Variants in KRT26 observed in about 807,000 individuals in gnomAD.
The protein encoded by KRT26 is keratin, type I cytoskeletal 26.
In KRT26, 45 loss-of-function variants were observed where a neutral mutation model predicts 46.1. The ratio of observed to expected loss-of-function variants is 0.98; its 90% CI spans 0.77 to 1.25. The LOEUF (loss-of-function observed/expected upper bound fraction) is 1.25. Ranked by LOEUF, KRT26 falls within the 50% of genes most tolerant of loss-of-function variation. KRT26 has a pLI of 0.00. For synonymous variants in KRT26, 191 were observed against 209.9 expected (o/e 0.91, Z 0.78); for missense variants, 582 against 560.1 (o/e 1.04, Z -0.39).
At chr17:40,766,492 C>T in exon 8 of KRT26, 1 of 1,519,740 alleles carries the variant, frequency 6.6e-7, no homozygotes, top group Non-Finnish European at 8.9e-7. Context: ...TTCTTTCTTT[C>T]TTTCCAAATA....
intron 7 of KRT26, 84 bp from the exon 8 acceptor site, chr17:40,766,750 G>GT: frequency 5.0e-6 from 5 of 1,008,432 alleles, no homozygotes; most frequent in African/African-American, 3.2e-5. Context: ...TTGTTTGTTT[G>GT]TTTTTTTGAG....
chr17:40,771,251 T>C lies in KRT26; in HGVS notation c.442-15A>G, dbSNP rs772529683. On this transcript the variant is annotated splice_polypyrimidine_tract_variant and intron_variant, in intron 1 of 7. Coordinates refer to ENST00000335552, the Ensembl canonical transcript of KRT26. ...GCAGAAATAATCTAAATAGGGAAGATTGTGAAAAATGTTAATTACCAAAAG... is the reference window on the plus strand; with the variant it reads ...GCAGAAATAATCTAAATAGGGAAGACTGTGAAAAATGTTAATTACCAAAAG... 8 of 1,475,386 alleles carry C rather than the reference T, an allele frequency of 5.4e-6. No homozygotes were observed. Among genetic ancestry groups the C allele is most frequent in the Admixed American group, 3.5e-5 (2 of 57,662 alleles). The allele number at this position is 1,475,386 out of a possible 1,614,324, so 91.4% of individuals were successfully genotyped here. A position where few individuals can be genotyped will look rare whatever the true frequency, so the allele number is the denominator to read the frequency against.
chr17:40,766,240 G>A (rs1318628792), exon 8 of KRT26: 3 of 256,678 alleles, frequency 1.2e-5, no homozygotes, highest in Admixed American at 5.2e-5. Flanking sequence ...AAAATAACTT[G>A]CAATAGAAGA....
At chr17:40,771,706 T>C (rs1178141596) in exon 1 of KRT26, 3 of 1,613,922 alleles carry the variant, frequency 1.9e-6, no homozygotes, top group Admixed American at 1.7e-5. Context: ...CTGAGAAGTA[T>C]CTGCTATAGT....
intron 1 of KRT26, 105 bp from the exon 2 acceptor site, chr17:40,771,341 G>A (rs2038219800): frequency 1.5e-6 from 1 of 646,628 alleles, no homozygotes; most frequent in African/African-American, 1.8e-5. Flanking sequence ...ATCTGTTTTA[G>A]TATCTTTTTT....
At chr17:40,772,112 A>C in exon 1 of KRT26, 1 of 1,613,400 alleles carries the variant, frequency 6.2e-7, no homozygotes, top group Non-Finnish European at 8.5e-7. Context: ...TCGAAAAGAC[A>C]TGGTGGCAGC....
exon 6 of KRT26, chr17:40,769,009 C>G: frequency 1.2e-6 from 2 of 1,613,946 alleles, no homozygotes; most frequent in Non-Finnish European, 1.7e-6. Flanking sequence ...AGTTGTTCCT[C>G]CATCACCCCT....
At chr17:40,766,460 C>A in exon 8 of KRT26, 1 of 1,422,704 alleles carries the variant, frequency 7.0e-7, no homozygotes, top group Non-Finnish European at 9.4e-7. Context: ...GCCTTTCTTT[C>A]TTTCTTTCTC....
intron 6 of KRT26, among the ~76,000 whole-genome samples, 195 bp from the exon 7 acceptor site, chr17:40,767,848 T>G (rs916067783): frequency 6.6e-6 from 1 of 152,224 alleles, no homozygotes; most frequent in Non-Finnish European, 1.5e-5. Flanking sequence ...TGTTTATGAA[T>G]AGAAATTTTC....
At chr17:40,766,592 C>T (rs2038174322) in exon 8 of KRT26, 2 of 1,613,074 alleles carry the variant, frequency 1.2e-6, no homozygotes, top group East Asian at 4.5e-5. Context: ...ACTGAGTGGA[C>T]TCTCAGTGAA....
intron 2 of KRT26, among the ~76,000 whole-genome samples, chr17:40,770,881 G>A (rs759435884): frequency 2.6e-5 from 4 of 151,900 alleles, no homozygotes; most frequent in Admixed American, 6.6e-5. Context: ...TAGTAGAGAC[G>A]GGGTCTTGCC....
Position 40,769,817 on chromosome 17 carries a change from CT to C in KRT26, c.905del (p.Glu302GlyfsTer2), listed in dbSNP as rs755098787. The C allele has an allele frequency of 4.3e-6, 7 of 1,614,228 alleles. No individual in the cohort carries two copies. Among genetic ancestry groups the C allele is most frequent in the Non-Finnish European group, 5.9e-6 (7 of 1,180,040 alleles). On this transcript the variant is annotated frameshift_variant, in exon 5 of 8. Transcript: ENST00000335552. LOFTEE classifies it high-confidence loss of function. ...GCAGATTGCGTTTTAATTCGGTCAG[CT>C]CATTTCTGGCTGCTGTGGCTGCTCC... is the stretch of plus-strand genomic sequence containing the variant.
intron 6 of KRT26, 93 bp from the exon 7 acceptor site, chr17:40,767,746 T>C: frequency 3.0e-6 from 2 of 664,470 alleles, no homozygotes; most frequent in South Asian, 4.2e-5. Flanking sequence ...TTTGGAATTC[T>C]AGTTTCAATA....
rs754750904 is a variant in KRT26, at chr17:40,767,663, G to T, written c.1188-10C>A. 1.9e-6 allele frequency: 3 copies of T among 1,571,150 alleles called. No individual in the cohort carries two copies. The highest frequency in any genetic ancestry group is 4.5e-5 in the East Asian group (2 of 44,354). ...TGTGGATTTGCTTTTTCTGTGAAGA[G>T]AAGAGTAAATTATTGCATTTTTTTT... On this transcript the variant is annotated splice_polypyrimidine_tract_variant and intron_variant, in intron 6 of 7. Transcript: ENST00000335552.
Position 40,768,868 on chromosome 17 carries a change from T to G in KRT26, c.1187+11A>C. 4 of 1,399,974 alleles carry G rather than the reference T, an allele frequency of 2.9e-6. No individual in the cohort carries two copies. Among genetic ancestry groups the G allele is most frequent in the South Asian group, 1.3e-5 (1 of 76,100 alleles). 86.7% of individuals were successfully genotyped at this position (1,399,974 alleles called of 1,614,324 possible). The stretch of plus-strand genomic sequence containing the variant: ...TGAGGTTTTTTTTTTTTTTTGCAAG[T>G]TAATCTTTACCTTTCTTCTCCATCT... On this transcript the variant is annotated intron_variant, in intron 6 of 7. Coordinates refer to ENST00000335552, the Ensembl canonical transcript of KRT26.
chr17:40,770,156 G>A (rs2038210012), intron 3 of KRT26, 34 bp from the exon 4 acceptor site: 1 of 1,613,728 alleles, frequency 6.2e-7, no homozygotes, highest in Non-Finnish European at 8.5e-7. Context: ...CCTCAGTGGA[G>A]GATTTTGATT....
chr17:40,771,703 G>A (rs1479037641), exon 1 of KRT26: 1 of 1,613,776 alleles, frequency 6.2e-7, no homozygotes, highest in African/African-American at 1.3e-5. Context: ...TGACTGAGAA[G>A]TATCTGCTAT....
rs546680715 is a variant in KRT26 at position 40,768,238 on chromosome 17, T to C, written c.1188-585A>G. Among the ~76,000 whole-genome samples the C allele has an allele frequency of 5.3e-5, 8 of 152,338 alleles. 1 individual carries two copies. The highest frequency in any genetic ancestry group is 6.8e-3 in the Middle Eastern group (2 of 294). On this transcript the variant is annotated intron_variant, in intron 6 of 7. Transcript: ENST00000335552. ...CAAGCATTTAGTAATAGGCAGTGAT[T>C]ACCAAATACCTTTTCTGTGTATGCC...
At chr17:40,771,559 G>T in intron 1 of KRT26, 114 bp downstream of exon 1, 1 of 891,928 alleles carries the variant, frequency 1.1e-6, no homozygotes, top group Non-Finnish European at 1.7e-6. Flanking sequence ...TGGAAATACA[G>T]AGTGAACAAA....
Sources: gnomAD v4.1 joint callset for allele counts (sites outside exome capture counted in the v4.1 genomes callset) on GRCh38, gnomAD v4.1.1 for gene constraint, MANE v1.5 for transcripts, NCBI Gene and HGNC (gene_info 2026-07-23, HGNC 2026-07-21) for gene names.